The following COL26A1 variants were observed in gnomAD, a reference collection of about 807,000 sequenced individuals.
The protein encoded by COL26A1 is collagen alpha-1(XXVI) chain.
Under a neutral mutation model 59.3 loss-of-function variants are expected in COL26A1, and 41 were observed. That is an observed-to-expected ratio of 0.69 (90% CI 0.54 to 0.90). The LOEUF (loss-of-function observed/expected upper bound fraction) is 0.90. COL26A1 is among the 40% of genes least tolerant of loss of function. The pLI, the probability that COL26A1 is intolerant of heterozygous loss-of-function variation, is 0.00. For missense variants in COL26A1, 612 were observed against 602.3 expected (o/e 1.02, Z -0.17); for synonymous variants, 266 against 256.0 (o/e 1.04, Z -0.37).
At chr7:101,503,573 G>T (rs755228267) in intron 3 of COL26A1, among the ~76,000 whole-genome samples, 2 of 152,148 alleles carry the variant, frequency 1.3e-5, no homozygotes, top group Non-Finnish European at 2.9e-5. Flanking sequence ...TTAGAAGCAG[G>T]GTCTTGCTAT....
At position 101,392,793 on chromosome 7, in the gene COL26A1, C is replaced by T. The variant is rs183146289; in HGVS notation, c.159-27184C>T. On this transcript the variant is annotated intron_variant, in intron 1 of 12. Transcript: ENST00000313669. ...CTAGTTGTCTGAAATGTGCCTCCCT[C>T]CACCGCATGGCCTCACCACTGATAG... Among the ~76,000 whole-genome samples, 9 of 152,168 alleles carry T rather than the reference C, an allele frequency of 5.9e-5. No homozygotes were observed. In the East Asian group the frequency reaches 1.7e-3, roughly 29 times the overall value.
At chr7:101,489,215 T>C (rs369696043) in intron 3 of COL26A1, among the ~76,000 whole-genome samples, 2 of 152,214 alleles carry the variant, frequency 1.3e-5, no homozygotes, top group East Asian at 3.8e-4. Flanking sequence ...AACAGGACTT[T>C]AGTCTGTGGG....
At position 101,517,798 on chromosome 7, in the gene COL26A1, A is replaced by ATTTTTTT. The variant is rs869245512; in HGVS notation, c.386-15257_386-15251dup. On this transcript the variant is annotated intron_variant, in intron 3 of 12. Transcript: ENST00000313669. ...TCAGAGAAGCTTCCCTTCTCCCCGCATTTTTTTTTTTTTTTTTTTTTTTTT... is the reference window on the plus strand; with the variant it reads ...TCAGAGAAGCTTCCCTTCTCCCCGCATTTTTTTTTTTTTTTTTTTTTTTTTTTTTTTT... Among the ~76,000 whole-genome samples the ATTTTTTT allele has an allele frequency of 4.8e-4, 37 of 76,902 alleles. 1 individual carries two copies. The highest frequency in any genetic ancestry group is 1.4e-3 in the East Asian group (3 of 2,154). The allele number at this position is 76,902 out of a possible 152,430, so 50.5% of individuals were successfully genotyped here.
chr7:101,528,499 T>TCCCTTCCCTC (rs1795296270), intron 3 of COL26A1, among the ~76,000 whole-genome samples: 2 of 151,520 alleles, frequency 1.3e-5, no homozygotes, highest in Non-Finnish European at 2.9e-5. Flanking sequence ...GAGTTGCTTT[T>TCCCTTCCCTC]CCCTTCCCTC....
At chr7:101,472,839 G>A (rs1474503854) in intron 3 of COL26A1, among the ~76,000 whole-genome samples, 1 of 152,004 alleles carries the variant, frequency 6.6e-6, no homozygotes, top group African/African-American at 2.4e-5. Context: ...CAGAGGGGGT[G>A]CACTTGTCTC....
chr7:101,539,804 T>C lies in COL26A1; in HGVS notation c.448-89T>C, dbSNP rs372116842. ...ACAGCGTGGACAGCTGCAGGTCTCA[T>C]GGGGTGCACATGCATGTCCCTGTGT... is the stretch of plus-strand genomic sequence containing the variant. On this transcript the variant is annotated intron_variant, in intron 4 of 12. Transcript: ENST00000313669. The C allele has an allele frequency of 9.8e-6, 13 of 1,329,078 alleles. No homozygotes were observed. The African/African-American group carries it at 1.8e-4, about 18-fold the overall frequency. The allele number at this position is 1,329,078 out of a possible 1,614,324, so 82.3% of individuals were successfully genotyped here. A position where few individuals can be genotyped will look rare whatever the true frequency, so the allele number is the denominator to read the frequency against.
chr7:101,551,094 T>C lies in COL26A1; in HGVS notation c.994-14T>C, dbSNP rs1379558102. ...GACCGGCAGGCCTCACACGCTTCCT[T>C]TGGTTTTCTGCAGGGCCTGGCTGGA... On this transcript the variant is annotated splice_polypyrimidine_tract_variant and intron_variant, in intron 9 of 12. Coordinates refer to ENST00000313669, the MANE Select transcript of COL26A1 (RefSeq NM_001278563.3). 6.4e-7 allele frequency: 1 copy of C among 1,554,478 alleles called. No individual in the cohort carries two copies. The highest frequency in any genetic ancestry group is 1.4e-5 in the African/African-American group (1 of 73,248).
In COL26A1 at chr7:101,363,072, C is replaced by T; in HGVS notation, c.40C>T (p.Leu14Phe). Reference protein sequence around the residue: ...ALLLPWACCCLCGSALATGFL... With the variant: ...ALLLPWACCCFCGSALATGFL... ...GCTCCTGCCCTGGGCGTGTTGCTGCCTCTGCGGGTCGGCGCTGGCCACCGG... is the reference window on the plus strand; with the variant it reads ...GCTCCTGCCCTGGGCGTGTTGCTGCTTCTGCGGGTCGGCGCTGGCCACCGG... Residue 14 changes from leucine to phenylalanine, a missense_variant, in exon 1 of 13, where the codon CTC becomes TTC. By Grantham distance (22) the Leu-to-Phe change is conservative (BLOSUM62 0). Coordinates refer to ENST00000313669, the MANE Select transcript of COL26A1 (RefSeq NM_001278563.3). 1 of 1,581,030 alleles carries T rather than the reference C, an allele frequency of 6.3e-7. No homozygotes were observed. The highest frequency in any genetic ancestry group is 8.5e-7 in the Non-Finnish European group (1 of 1,172,332).
chr7:101,522,090 T>C (rs1255624686), intron 3 of COL26A1, among the ~76,000 whole-genome samples: 1 of 152,186 alleles, frequency 6.6e-6, no homozygotes, highest in African/African-American at 2.4e-5. Flanking sequence ...TGCATGCCTT[T>C]CAGTGAACAT....
chr7:101,425,458 G>C (rs1217634654), intron 2 of COL26A1, among the ~76,000 whole-genome samples: 1 of 152,118 alleles, frequency 6.6e-6, no homozygotes, highest in Non-Finnish European at 1.5e-5. Context: ...CTGAATTGAG[G>C]TTAGGTTAGG....
chr7:101,405,629 C>T lies in COL26A1; in HGVS notation c.159-14348C>T, dbSNP rs572020754. Among the ~76,000 whole-genome samples, 63 of 152,144 alleles carry T rather than the reference C, an allele frequency of 4.1e-4. 1 individual carries two copies. The highest frequency in any genetic ancestry group is 6.5e-4 in the Non-Finnish European group (44 of 68,020). Reference sequence around the variant, plus strand: ...CTCCCTGAATGCTGATCTTTTCTCACGTGGTCCTCCCTCACATGATCCTCC... The same window carrying T: ...CTCCCTGAATGCTGATCTTTTCTCATGTGGTCCTCCCTCACATGATCCTCC... On this transcript the variant is annotated intron_variant, in intron 1 of 12. Coordinates refer to ENST00000313669, the MANE Select transcript of COL26A1 (RefSeq NM_001278563.3).
At chr7:101,375,059 T>TA (rs34296131) in intron 1 of COL26A1, among the ~76,000 whole-genome samples, 81,921 of 150,142 alleles carry the variant, frequency 0.55, 23,124 homozygotes, top group African/African-American at 0.68. Context: ...GACTCCATCT[T>TA]AAAAAAAAAT....
chr7:101,526,017 G>A (rs1271877520), intron 3 of COL26A1, among the ~76,000 whole-genome samples: 1 of 152,066 alleles, frequency 6.6e-6, no homozygotes, highest in Non-Finnish European at 1.5e-5. Context: ...TTTAGCTGGA[G>A]CAGAACTGCG....
intron 10 of COL26A1, 95 bp downstream of exon 10, chr7:101,551,238 T>TTTGGGGGGGGGGCA: frequency 6.1e-6 from 3 of 491,352 alleles, no homozygotes; most frequent in Admixed American, 2.4e-5. Flanking sequence ...GGTGGGGGGG[T>TTTGGGGGGGGGGCA]TCAGCCCTGG....
At chr7:101,456,168 A>ATTT (rs149361281) in intron 3 of COL26A1, among the ~76,000 whole-genome samples, 36 of 124,598 alleles carry the variant, frequency 2.9e-4, no homozygotes, top group South Asian at 1.3e-3. Flanking sequence ...ATATATATAT[A>ATTT]TTTTTTTTTT....
chr7:101,415,154 C>T (rs1050906054), intron 1 of COL26A1, among the ~76,000 whole-genome samples: 2 of 146,074 alleles, frequency 1.4e-5, no homozygotes, highest in African/African-American at 4.9e-5. Flanking sequence ...CATAACCCCC[C>T]CCCTTTTTTT....
intron 3 of COL26A1, among the ~76,000 whole-genome samples, chr7:101,495,123 C>G (rs1483866568): frequency 1.3e-5 from 2 of 152,188 alleles, no homozygotes; most frequent in Non-Finnish European, 2.9e-5. Context: ...CTGAGAATGT[C>G]AGGAGATCAG....
At position 101,557,592 on chromosome 7, in the gene COL26A1, C is replaced by T; in HGVS notation, c.*62C>T. On this transcript the variant is annotated 3_prime_UTR_variant, in exon 13 of 13. Coordinates refer to ENST00000313669, the MANE Select transcript of COL26A1 (RefSeq NM_001278563.3). ...GACCCAGCCCCAGAGGCCTGAGCCG[C>T]CGCTGTTTCCTAAAGATGCCCCCAG... is the stretch of plus-strand genomic sequence containing the variant. 6.7e-7 allele frequency: 1 copy of T among 1,498,634 alleles called. No individual in the cohort carries two copies. Among genetic ancestry groups the T allele is most frequent in the Non-Finnish European group, 9.0e-7 (1 of 1,113,340 alleles). 92.8% of individuals were successfully genotyped at this position (1,498,634 alleles called of 1,614,324 possible).
intron 10 of COL26A1, among the ~76,000 whole-genome samples, chr7:101,552,649 G>A (rs1423977011): frequency 1.3e-5 from 2 of 152,156 alleles, no homozygotes; most frequent in East Asian, 3.9e-4. Context: ...GCTCACGCCT[G>A]TAATCCCAGC....
Sources: gnomAD v4.1 joint callset for allele counts (sites outside exome capture counted in the v4.1 genomes callset) on GRCh38, gnomAD v4.1.1 for gene constraint, MANE v1.5 for transcripts, NCBI Gene and HGNC (gene_info 2026-07-23, HGNC 2026-07-21) for gene names.